Variants in MPPED1 observed in about 807,000 individuals in gnomAD.
MPPED1 encodes the protein metallophosphoesterase domain containing 1.
MPPED1 carries 16 observed loss-of-function variants against 36.2 expected under a neutral mutation model. The observed-to-expected ratio is 0.44, with a 90% CI of 0.30 to 0.67. The LOEUF is 0.67. Ranked by LOEUF, MPPED1 falls within the 30% of genes least tolerant of loss-of-function variation. The pLI is 0.10. For missense variants in MPPED1, 307 were observed against 453.4 expected (o/e 0.68, Z 2.93); for synonymous variants, 199 against 191.3 (o/e 1.04, Z -0.33).
At chr22:43,448,878 C>T (rs188755268) in intron 3 of MPPED1, among the ~76,000 whole-genome samples, 9 of 152,268 alleles carry the variant, frequency 5.9e-5, no homozygotes, top group Admixed American at 4.6e-4. Flanking sequence ...GGATTACAGG[C>T]GTGAGCCACC....
intron 3 of MPPED1, among the ~76,000 whole-genome samples, chr22:43,447,883 A>ATTTTTTTT (rs776108565): frequency 1.5e-5 from 1 of 67,738 alleles, no homozygotes; most frequent in Non-Finnish European, 2.6e-5. Flanking sequence ...ATATATATAT[A>ATTTTTTTT]TTTTTTTTTT....
chr22:43,499,936 A>AGGTGGT (rs756213303), intron 5 of MPPED1, among the ~76,000 whole-genome samples: 1 of 9,350 alleles, frequency 1.1e-4, no homozygotes, highest in African/African-American at 7.9e-4. Flanking sequence ...GTGATGGTGG[A>AGGTGGT]GGTGGTGGTG....
At position 43,497,097 on chromosome 22, in the gene MPPED1, AGATGGTGGT is replaced by A. The variant is rs959588850; in HGVS notation, c.633-1132_633-1124del. Among the ~76,000 whole-genome samples, 30 of 139,690 alleles carry A rather than the reference AGATGGTGGT, an allele frequency of 2.1e-4. 1 individual carries two copies. Among genetic ancestry groups the A allele is most frequent in the African/African-American group, 7.0e-4 (26 of 36,936 alleles). The allele number at this position is 139,690 out of a possible 152,430, so 91.6% of individuals were successfully genotyped here. A position where few individuals can be genotyped will look rare whatever the true frequency, so the allele number is the denominator to read the frequency against. On this transcript the variant is annotated intron_variant, in intron 4 of 6. Transcript: ENST00000443721. ...GTGGTGGTGGAGGTAGTGGTGGCGGAGATGGTGGTGATGGAGGTGGTGATGGACGTGGTG... is the reference window on the plus strand; with the variant it reads ...GTGGTGGTGGAGGTAGTGGTGGCGGAGATGGAGGTGGTGATGGACGTGGTG...
chr22:43,445,218 G>C (rs1258533433), intron 3 of MPPED1, among the ~76,000 whole-genome samples: 1 of 152,116 alleles, frequency 6.6e-6, no homozygotes, highest in African/African-American at 2.4e-5. Context: ...CTTGGTAAAG[G>C]CTTTTGTATT....
At chr22:43,465,657 G>A (rs1341825855) in intron 3 of MPPED1, among the ~76,000 whole-genome samples, 2 of 152,212 alleles carry the variant, frequency 1.3e-5, no homozygotes, top group East Asian at 1.9e-4. Flanking sequence ...ATCCTGCTAG[G>A]GTTGAGTGAA....
intron 3 of MPPED1, among the ~76,000 whole-genome samples, chr22:43,449,422 A>C (rs1601968238): frequency 3.8e-4 from 49 of 127,406 alleles, no homozygotes; most frequent in East Asian, 1.7e-3. Context: ...GACAGTGCCA[A>C]CCCCCCCCGC....
chr22:43,480,325 A>C (rs1931709773), intron 4 of MPPED1, among the ~76,000 whole-genome samples: 1 of 152,116 alleles, frequency 6.6e-6, no homozygotes, highest in Non-Finnish European at 1.5e-5. Flanking sequence ...CAGCCTTTGC[A>C]CAAGCCAGAC....
At chr22:43,498,414 G>C (rs146857550) in intron 5 of MPPED1, 64 bp downstream of exon 5, 16 of 1,352,212 alleles carry the variant, frequency 1.2e-5, no homozygotes, top group Non-Finnish European at 1.5e-5. Flanking sequence ...GCTCTGGGAT[G>C]GGGGGCTGGC....
chr22:43,426,870 C>T (rs933478810), intron 2 of MPPED1, among the ~76,000 whole-genome samples: 1 of 152,170 alleles, frequency 6.6e-6, no homozygotes, highest in Admixed American at 6.5e-5. Context: ...TTTTTGGAGC[C>T]CGATTGGCGG....
At chr22:43,426,495 G>T (rs1047220853) in intron 2 of MPPED1, among the ~76,000 whole-genome samples, 1 of 152,150 alleles carries the variant, frequency 6.6e-6, no homozygotes, top group South Asian at 2.1e-4. Context: ...GCCCTGGGCC[G>T]CCTCTGGGGC....
chr22:43,459,483 C>T (rs1432199408), intron 3 of MPPED1, among the ~76,000 whole-genome samples: 9 of 152,224 alleles, frequency 5.9e-5, no homozygotes. Flanking sequence ...TGGTGTCCCA[C>T]AGGTCTCTGA....
chr22:43,417,891 G>C (rs12329986), intron 1 of MPPED1: 4 of 379,646 alleles, frequency 1.1e-5, no homozygotes, highest in South Asian at 7.9e-5. Flanking sequence ...GCCAAGGTGC[G>C]TCTAGGATCC....
chr22:43,505,552 C>T lies in MPPED1; in HGVS notation c.917C>T (p.Thr306Ile). ...ACCTATGTGAATGCGTCCGTATGCA[C>T]TGTGAACTACCAGCCCGTGAACCCG... ...TTTYVNASVC[T>I]VNYQPVNPPI... The change falls in exon 7 of 7, where the codon ACT becomes ATT. Residue 306 changes from threonine (T) to isoleucine (I), a missense_variant. Physicochemically the swap from Thr to Ile is moderately conservative, Grantham distance 89 (BLOSUM62 -1). Transcript: ENST00000443721. 1 of 1,612,930 alleles carries T rather than the reference C, an allele frequency of 6.2e-7. No homozygotes were observed.
intron 3 of MPPED1, among the ~76,000 whole-genome samples, chr22:43,459,606 G>A (rs1205787707): frequency 2.6e-5 from 4 of 152,228 alleles, no homozygotes; most frequent in Admixed American, 2.6e-4. Context: ...TGAAACTACT[G>A]TTGAGACCCT....
chr22:43,464,545 T>C (rs113931882), intron 3 of MPPED1, among the ~76,000 whole-genome samples: 6,693 of 152,228 alleles, frequency 0.044, 495 homozygotes, highest in African/African-American at 0.15. Context: ...TGGGGCTCTC[T>C]GGAGTTTTTG....
At chr22:43,445,662 G>A (rs1930312343) in intron 3 of MPPED1, among the ~76,000 whole-genome samples, 1 of 148,028 alleles carries the variant, frequency 6.8e-6, no homozygotes, top group South Asian at 2.2e-4. Context: ...CTGGGCTTAA[G>A]CAACCCTCCC....
intron 5 of MPPED1, among the ~76,000 whole-genome samples, chr22:43,500,349 ATGGTGATGGAGGTGGTGATGGGGG>A (rs1932679183): frequency 6.8e-5 from 2 of 29,546 alleles, no homozygotes; most frequent in African/African-American, 9.2e-5. Context: ...GGTGGTGGTG[ATGGTGATGGAGGTGGTGATGGGGG>A]TGGTGGTGGT....
At chr22:43,472,862 T>TG (rs1931423957) in intron 3 of MPPED1, among the ~76,000 whole-genome samples, 5 of 152,318 alleles carry the variant, frequency 3.3e-5, no homozygotes, top group African/African-American at 1.2e-4. Context: ...ACTGGACCCT[T>TG]CTATTTCCTT....
At chr22:43,422,242 C>T (rs1013626223) in intron 1 of MPPED1, among the ~76,000 whole-genome samples, 153 of 152,354 alleles carry the variant, frequency 1.0e-3, no homozygotes, top group African/African-American at 3.2e-3. Context: ...TGCAATGAGA[C>T]GTCACTTCTG....
Sources: allele counts gnomAD v4.1 joint callset (sites outside exome capture counted in the v4.1 genomes callset), GRCh38; gene constraint gnomAD v4.1.1; transcripts MANE v1.5; gene names NCBI Gene and HGNC (gene_info 2026-07-23, HGNC 2026-07-21).